Variants in LYRM4 observed in about 807,000 individuals in gnomAD.
LYRM4 encodes LYR motif containing 4, also known as LYR motif-containing protein 4.
Under a neutral mutation model 11.7 loss-of-function variants are expected in LYRM4, and 9 were observed. The observed-to-expected ratio is 0.77, with a 90% CI of 0.46 to 1.34. LYRM4 has a LOEUF of 1.34. Among genes scored for constraint, LYRM4 ranks in the 40% most tolerant of loss-of-function variants. The pLI, the probability that LYRM4 is intolerant of heterozygous loss-of-function variation, is 0.00. For synonymous variants in LYRM4, 42 were observed against 40.4 expected (o/e 1.04, Z -0.15); for missense variants, 133 against 112.5 (o/e 1.18, Z -0.82).
At chr6:5,142,889 T>C (rs977956273) in intron 2 of LYRM4, among the ~76,000 whole-genome samples, 2 of 152,208 alleles carry the variant, frequency 1.3e-5, no homozygotes, top group African/African-American at 4.8e-5. Context: ...TCCCCAGCCA[T>C]GGACCCTTGG....
chr6:5,157,751 A>G (rs980194080), intron 2 of LYRM4, among the ~76,000 whole-genome samples: 4 of 152,216 alleles, frequency 2.6e-5, no homozygotes, highest in African/African-American at 7.2e-5. Flanking sequence ...GGCTGTTCCT[A>G]CTTTTCTTTA....
intron 2 of LYRM4, chr6:5,144,073 A>G: frequency 1.3e-6 from 2 of 1,481,592 alleles, no homozygotes; most frequent in Non-Finnish European, 1.8e-6. Context: ...ATACTCCAGA[A>G]AAAGAAATGC....
Position 5,148,660 on chromosome 6 carries a change from C to T in LYRM4, c.208-39169G>A, listed in dbSNP as rs1395103140. On this transcript the variant is annotated intron_variant, in intron 2 of 2. Transcript: ENST00000330636. ...ACAGGTAATGACCTTTACACACACA[C>T]ACCTCTCTCTCTCTCTCTCTCTCTG... Among the ~76,000 whole-genome samples the T allele has an allele frequency of 1.4e-4, 9 of 63,798 alleles. No individual in the cohort carries two copies. In the East Asian group the frequency reaches 5.3e-3, roughly 38 times the overall value. The allele number at this position is 63,798 out of a possible 152,430, so 41.9% of individuals were successfully genotyped here.
the LYRM4 span, among the ~76,000 whole-genome samples, chr6:5,075,041 C>G: frequency 1.3e-5 from 2 of 152,214 alleles, no homozygotes; most frequent in African/African-American, 4.8e-5. Flanking sequence ...CACCTCCCCC[C>G]ACCCTTGCTC....
intron 2 of LYRM4, among the ~76,000 whole-genome samples, chr6:5,163,446 C>G (rs1758885522): frequency 6.6e-6 from 1 of 151,870 alleles, no homozygotes; most frequent in African/African-American, 2.4e-5. Flanking sequence ...ACACTCCCTT[C>G]ATTACCAGAG....
At chr6:5,248,493 T>C (rs1023077396) in intron 1 of LYRM4, among the ~76,000 whole-genome samples, 5 of 152,264 alleles carry the variant, frequency 3.3e-5, no homozygotes, top group African/African-American at 7.2e-5. Flanking sequence ...AAGCTCTCTG[T>C]GATTAGTAGT....
chr6:5,176,160 G>GTTCAAA (rs905769252), intron 2 of LYRM4, among the ~76,000 whole-genome samples: 12 of 151,858 alleles, frequency 7.9e-5, no homozygotes, highest in African/African-American at 2.9e-4. Flanking sequence ...TGCCTCCCGG[G>GTTCAAA]TTCAAACTAT....
chr6:5,198,181 AGAGT>A (rs1463676215), intron 2 of LYRM4, among the ~76,000 whole-genome samples: 1 of 152,132 alleles, frequency 6.6e-6, no homozygotes, highest in Non-Finnish European at 1.5e-5. Flanking sequence ...CTGGGCAACA[AGAGT>A]GAGACTCCGT....
At chr6:5,052,870 G>A in the LYRM4 span, among the ~76,000 whole-genome samples, 13 of 152,176 alleles carry the variant, frequency 8.5e-5, no homozygotes, top group Admixed American at 5.2e-4. Context: ...CTTTTGAGGA[G>A]GAGCATGTAC....
At chr6:5,056,657 T>C in the LYRM4 span, among the ~76,000 whole-genome samples, 7,992 of 152,318 alleles carry the variant, frequency 0.052, 336 homozygotes, top group African/African-American at 0.11. Context: ...AAATACCAGG[T>C]AGCTGTCAAG....
intron 2 of LYRM4, among the ~76,000 whole-genome samples, chr6:5,165,938 A>T (rs1759063487): frequency 6.6e-6 from 1 of 152,228 alleles, no homozygotes; most frequent in Admixed American, 6.5e-5. Context: ...TCTCAAATGA[A>T]ACTACGAATT....
chr6:5,133,853 A>G (rs146336089), intron 2 of LYRM4, among the ~76,000 whole-genome samples: 3 of 152,316 alleles, frequency 2.0e-5, no homozygotes, highest in African/African-American at 7.2e-5. Flanking sequence ...ATGAAATCAT[A>G]TAATATGTGG....
At chr6:5,146,561 C>G (rs1350638404) in intron 2 of LYRM4, among the ~76,000 whole-genome samples, 1 of 152,182 alleles carries the variant, frequency 6.6e-6, no homozygotes, top group Non-Finnish European at 1.5e-5. Flanking sequence ...ACCCTCCTTC[C>G]TTCTCAACAC....
chr6:5,092,400 C>T, the LYRM4 span, among the ~76,000 whole-genome samples: 1 of 152,128 alleles, frequency 6.6e-6, no homozygotes, highest in East Asian at 1.9e-4. Context: ...ACTTTTTCTT[C>T]CCATACGTTT....
At chr6:5,072,284 C>G in the LYRM4 span, among the ~76,000 whole-genome samples, 2 of 152,108 alleles carry the variant, frequency 1.3e-5, no homozygotes, top group Non-Finnish European at 2.9e-5. Context: ...TTGCAATAAG[C>G]ATATGTGTGC....
intron 2 of LYRM4, among the ~76,000 whole-genome samples, chr6:5,138,487 CAAAAAAAAAAAAAA>C (rs765741377): frequency 2.8e-4 from 14 of 49,664 alleles, no homozygotes; most frequent in African/African-American, 6.6e-4. Context: ...ACCCTGTCTC[CAAAAAAAAAAAAAA>C]AAAAAAAAAA....
chr6:5,044,077 A>G, the LYRM4 span, among the ~76,000 whole-genome samples: 1 of 151,522 alleles, frequency 6.6e-6, no homozygotes, highest in Admixed American at 6.6e-5. Context: ...GCCTTAGTAT[A>G]CCTCAAATTT....
intron 2 of LYRM4, among the ~76,000 whole-genome samples, chr6:5,197,266 A>G (rs186871352): frequency 6.6e-6 from 1 of 152,292 alleles, no homozygotes; most frequent in East Asian, 1.9e-4. Context: ...ACTATGACAC[A>G]CTGAGTTGGT....
intron 1 of LYRM4, among the ~76,000 whole-genome samples, chr6:5,230,583 C>A (rs1398177046): frequency 2.0e-5 from 3 of 152,022 alleles, no homozygotes; most frequent in African/African-American, 7.2e-5. Context: ...TAAGACATAG[C>A]CTTTAAATTA....
Sources: gnomAD v4.1 joint callset for allele counts (sites outside exome capture counted in the v4.1 genomes callset) on GRCh38, gnomAD v4.1.1 for gene constraint, MANE v1.5 for transcripts, NCBI Gene and HGNC (gene_info 2026-07-23, HGNC 2026-07-21) for gene names.